The following OR2L13 variants were observed in gnomAD, a reference collection of about 807,000 sequenced individuals.
OR2L13 encodes the protein olfactory receptor 2L13.
In OR2L13, 14 loss-of-function variants were observed where a neutral mutation model predicts 15.3. The ratio of observed to expected loss-of-function variants is 0.91; its 90% confidence interval spans 0.60 to 1.43. The LOEUF (loss-of-function observed/expected upper bound fraction) is 1.43, where lower values mean the gene tolerates loss of function less well. OR2L13 is among the 40% of genes most tolerant of loss of function. The pLI is 0.00. For missense variants in OR2L13, 367 were observed against 387.9 expected (o/e 0.95, Z 0.45); for synonymous variants, 152 against 142.9 (o/e 1.06, Z -0.45).
At chr1:247,958,368 G>C in the OR2L13 span, among the ~76,000 whole-genome samples, 1 of 152,060 alleles carries the variant, frequency 6.6e-6, no homozygotes, top group Non-Finnish European at 1.5e-5. Context: ...CCAACTATGT[G>C]GTCAATTTTG....
At chr1:248,056,927 G>T in the OR2L13 span, among the ~76,000 whole-genome samples, 1 of 151,850 alleles carries the variant, frequency 6.6e-6, no homozygotes, top group African/African-American at 2.4e-5. Context: ...TGGGATTACA[G>T]TCGTGAGCCA....
At chr1:248,096,603 C>A (rs528540810), upstream of OR2L13, among the ~76,000 whole-genome samples, 1 of 152,282 alleles carries the variant, frequency 6.6e-6, no homozygotes, top group South Asian at 2.1e-4. Flanking sequence ...ACTGTGAATT[C>A]TCTTTATAGT....
the OR2L13 span, among the ~76,000 whole-genome samples, chr1:247,996,533 G>A: frequency 3.9e-5 from 6 of 152,178 alleles, no homozygotes; most frequent in East Asian, 9.6e-4. Flanking sequence ...GCTTTGTACT[G>A]TAGAAGTGTA....
chr1:248,022,604 G>C, the OR2L13 span: 6 of 1,614,084 alleles, frequency 3.7e-6, no homozygotes, highest in East Asian at 1.3e-4. Context: ...CCTATGGCTG[G>C]GTTCTCCTTG....
chr1:247,943,595 C>A, the OR2L13 span, among the ~76,000 whole-genome samples: 468 of 152,150 alleles, frequency 3.1e-3, 1 homozygote, highest in Non-Finnish European at 4.1e-3. Context: ...CGAAACATAA[C>A]CCCAGTGTAA....
the OR2L13 span, chr1:247,948,897 T>A: frequency 4.3e-6 from 7 of 1,612,872 alleles, no homozygotes; most frequent in Non-Finnish European, 5.1e-6. Context: ...TTTCATCTTA[T>A]TGGGGCTGTT....
At chr1:247,994,162 C>T in the OR2L13 span, among the ~76,000 whole-genome samples, 145 of 152,128 alleles carry the variant, frequency 9.5e-4, no homozygotes, top group African/African-American at 3.2e-3. Flanking sequence ...TTTGGGAGGC[C>T]GAGGCGGGCG....
At chr1:248,021,245 A>G in the OR2L13 span, among the ~76,000 whole-genome samples, 4 of 152,222 alleles carry the variant, frequency 2.6e-5, 1 homozygote, top group Non-Finnish European at 5.9e-5. Flanking sequence ...TTGGTTATAA[A>G]TATTTGTCTC....
chr1:248,007,417 C>T, the OR2L13 span, among the ~76,000 whole-genome samples: 4 of 152,174 alleles, frequency 2.6e-5, no homozygotes, highest in Admixed American at 6.5e-5. Flanking sequence ...TCCCCTCTGA[C>T]GTGGTGTCTG....
the OR2L13 span, among the ~76,000 whole-genome samples, chr1:248,043,650 A>G: frequency 6.6e-6 from 1 of 152,156 alleles, no homozygotes; most frequent in African/African-American, 2.4e-5. Flanking sequence ...ACCCCAAAAG[A>G]GGGTTCATGG....
At chr1:247,949,557 A>G in the OR2L13 span, 18 of 1,613,886 alleles carry the variant, frequency 1.1e-5, no homozygotes, top group Middle Eastern at 1.6e-4. Context: ...AGAAGGGAGG[A>G]AGAAAGCCTA....
At chr1:248,005,576 A>G in the OR2L13 span, among the ~76,000 whole-genome samples, 1 of 152,112 alleles carries the variant, frequency 6.6e-6, no homozygotes, top group Non-Finnish European at 1.5e-5. Flanking sequence ...TTTACTATTT[A>G]TGTGCAGAAT....
At chr1:248,026,989 ATAAC>A in the OR2L13 span, among the ~76,000 whole-genome samples, 1 of 152,218 alleles carries the variant, frequency 6.6e-6, no homozygotes, top group Non-Finnish European at 1.5e-5. Flanking sequence ...AACAAGGGAG[ATAAC>A]CTTAAACTCT....
chr1:248,087,159 A>G, the OR2L13 span, among the ~76,000 whole-genome samples: 1 of 152,134 alleles, frequency 6.6e-6, no homozygotes, highest in East Asian at 1.9e-4. Context: ...CAAGCTATTG[A>G]TATAACATGG....
the OR2L13 span, among the ~76,000 whole-genome samples, chr1:247,969,894 C>A: frequency 1.3e-5 from 2 of 152,160 alleles, no homozygotes; most frequent in Admixed American, 1.3e-4. Flanking sequence ...CAGATTATTG[C>A]TAAGACTCTG....
At chr1:248,064,200 G>A in the OR2L13 span, among the ~76,000 whole-genome samples, 1 of 152,184 alleles carries the variant, frequency 6.6e-6, no homozygotes, top group African/African-American at 2.4e-5. Context: ...AGTATTAGGA[G>A]TTGGGGCCTT....
At chr1:248,086,127 G>A in the OR2L13 span, among the ~76,000 whole-genome samples, 1 of 152,092 alleles carries the variant, frequency 6.6e-6, no homozygotes, top group Non-Finnish European at 1.5e-5. Context: ...TAATTTTTTA[G>A]TTTAGATCAT....
chr1:248,016,308 G>A, the OR2L13 span, among the ~76,000 whole-genome samples: 2 of 152,116 alleles, frequency 1.3e-5, no homozygotes, highest in Non-Finnish European at 2.9e-5. Flanking sequence ...GATTACATGG[G>A]TATTTTTTTT....
chr1:248,003,122 G>A, the OR2L13 span: 1 of 1,238,562 alleles, frequency 8.1e-7, no homozygotes, highest in African/African-American at 1.5e-5. Context: ...TGGATTGTAG[G>A]AATGCCCCAT....
Sources: gnomAD v4.1 joint callset for allele counts (sites outside exome capture counted in the v4.1 genomes callset) on GRCh38, gnomAD v4.1.1 for gene constraint, MANE v1.5 for transcripts, NCBI Gene and HGNC (gene_info 2026-07-23, HGNC 2026-07-21) for gene names.